The following TMEM178B variants were observed in gnomAD, a reference collection of about 807,000 sequenced individuals.
TMEM178B encodes transmembrane protein 178B.
TMEM178B carries 5 observed loss-of-function variants against 31.0 expected under a neutral mutation model. That is an observed-to-expected ratio of 0.16 (90% CI 0.08 to 0.34). The LOEUF is 0.34. TMEM178B is among the 10% of genes least tolerant of loss of function. The pLI is 1.00. For synonymous variants in TMEM178B, 164 were observed against 164.0 expected, an observed-to-expected ratio of 1.00 and a Z score of 0.00; for missense variants, 275 against 400.3, an observed-to-expected ratio of 0.69 and a Z score of 2.67.
chr7:141,413,834 AC>A (rs1240698548), intron 2 of TMEM178B, among the ~76,000 whole-genome samples: 2 of 138,800 alleles, frequency 1.4e-5, no homozygotes, highest in Non-Finnish European at 3.3e-5. Flanking sequence ...TAAGAGCAAC[AC>A]ATACTTATTA....
chr7:141,408,740 A>G (rs185665559), intron 2 of TMEM178B, among the ~76,000 whole-genome samples: 20 of 152,262 alleles, frequency 1.3e-4, no homozygotes, highest in Non-Finnish European at 1.0e-4. Flanking sequence ...AACTGAATAA[A>G]GAAGCCAGCT....
At chr7:141,499,192 G>A in the TMEM178B span, among the ~76,000 whole-genome samples, 1 of 152,168 alleles carries the variant, frequency 6.6e-6, no homozygotes, top group Admixed American at 6.5e-5. Context: ...TAAGATCTTT[G>A]TGGATAAGAT....
chr7:141,216,629 G>T (rs1350669934), intron 2 of TMEM178B, among the ~76,000 whole-genome samples: 1 of 152,166 alleles, frequency 6.6e-6, no homozygotes, highest in East Asian at 1.9e-4. Context: ...TGGTGACCAG[G>T]TTCTCACTCT....
chr7:141,315,149 C>A (rs1798979174), intron 2 of TMEM178B, among the ~76,000 whole-genome samples: 1 of 152,196 alleles, frequency 6.6e-6, no homozygotes. Flanking sequence ...ATGTTCCTTA[C>A]CTGTCTCAGT....
intron 2 of TMEM178B, among the ~76,000 whole-genome samples, chr7:141,270,532 A>G (rs1798165139): frequency 6.6e-6 from 1 of 152,220 alleles, no homozygotes; most frequent in Non-Finnish European, 1.5e-5. Flanking sequence ...TGGTTGTGAA[A>G]TGTGTTCACC....
At chr7:141,509,471 AAAACCCCG>A in the TMEM178B span, among the ~76,000 whole-genome samples, 18 of 152,192 alleles carry the variant, frequency 1.2e-4, no homozygotes, top group East Asian at 3.5e-3. Flanking sequence ...CCAACATGGC[AAAACCCCG>A]TCTCTACTAA....
chr7:141,498,522 A>G, the TMEM178B span, among the ~76,000 whole-genome samples: 1 of 152,274 alleles, frequency 6.6e-6, no homozygotes, highest in Admixed American at 6.5e-5. Flanking sequence ...TCAAAAGAAC[A>G]GAAGAATACC....
intron 1 of TMEM178B, among the ~76,000 whole-genome samples, chr7:141,177,034 G>A (rs1395152277): frequency 6.6e-6 from 1 of 152,034 alleles, no homozygotes; most frequent in Non-Finnish European, 1.5e-5. Flanking sequence ...TCTTTTAATT[G>A]TGATGTTAGG....
At chr7:141,137,030 T>C (rs1254222547) in intron 1 of TMEM178B, among the ~76,000 whole-genome samples, 1 of 152,176 alleles carries the variant, frequency 6.6e-6, no homozygotes, top group African/African-American at 2.4e-5. Context: ...CCAGTTAGAA[T>C]GGCTATGATG....
chr7:141,174,376 G>C (rs1460413538), intron 1 of TMEM178B, among the ~76,000 whole-genome samples: 1 of 152,112 alleles, frequency 6.6e-6, no homozygotes, highest in Non-Finnish European at 1.5e-5. Flanking sequence ...TGGGCATTTG[G>C]GTTGTTCCAA....
intron 1 of TMEM178B, among the ~76,000 whole-genome samples, chr7:141,130,955 A>G (rs1052160213): frequency 6.6e-6 from 1 of 152,190 alleles, no homozygotes; most frequent in African/African-American, 2.4e-5. Flanking sequence ...TGTTTATTTT[A>G]TAGCTGACCC....
intron 1 of TMEM178B, among the ~76,000 whole-genome samples, chr7:141,079,517 A>C (rs1586756175): frequency 1.3e-5 from 2 of 152,342 alleles, no homozygotes; most frequent in Admixed American, 1.3e-4. Flanking sequence ...ACTTGGGTTT[A>C]AATTTAAGTA....
At chr7:141,095,568 A>G (rs1033419901) in intron 1 of TMEM178B, among the ~76,000 whole-genome samples, 1 of 152,188 alleles carries the variant, frequency 6.6e-6, no homozygotes, top group Non-Finnish European at 1.5e-5. Context: ...GGCTTATTGA[A>G]TAGATTGCTC....
intron 2 of TMEM178B, among the ~76,000 whole-genome samples, chr7:141,291,104 C>A (rs1007283891): frequency 1.3e-5 from 2 of 152,150 alleles, no homozygotes; most frequent in African/African-American, 4.8e-5. Flanking sequence ...TAGAGTGAGG[C>A]CTCCAGGAGA....
intron 2 of TMEM178B, among the ~76,000 whole-genome samples, chr7:141,261,426 A>G (rs1798010462): frequency 6.6e-6 from 1 of 152,112 alleles, no homozygotes; most frequent in Admixed American, 6.5e-5. Context: ...CTTTGTCTGC[A>G]GGAAACGCTA....
rs1435459557 is a variant in TMEM178B at position 141,074,264 on chromosome 7, C to T, written c.-47C>T. The T allele has an allele frequency of 3.4e-5, 50 of 1,458,960 alleles. No homozygotes were observed. The highest frequency in any genetic ancestry group is 3.9e-4 in the Middle Eastern group (2 of 5,108). The allele number at this position is 1,458,960 out of a possible 1,614,324, so 90.4% of individuals were successfully genotyped here. A position where few individuals can be genotyped will look rare whatever the true frequency, so the allele number is the denominator to read the frequency against. On this transcript the variant is annotated 5_prime_UTR_variant, in exon 1 of 4. Coordinates refer to ENST00000565468, the MANE Select transcript of TMEM178B (RefSeq NM_001195278.2). This position sits in a 1 kb window ranked among gnomAD's most constrained non-coding sequence, Gnocchi z 5.1. ...TTGTTCCGGGTGCGGCGAGGGAAGGCGAGGCTGCGGCGGATCATGCCCATG... is the reference window on the plus strand; with the variant it reads ...TTGTTCCGGGTGCGGCGAGGGAAGGTGAGGCTGCGGCGGATCATGCCCATG...
intron 2 of TMEM178B, among the ~76,000 whole-genome samples, chr7:141,288,944 T>C (rs1158704924): frequency 6.6e-6 from 1 of 152,218 alleles, no homozygotes; most frequent in Admixed American, 6.5e-5. Context: ...CAGCCTTGGC[T>C]TTCCTCCCAG....
chr7:141,393,780 T>C (rs1368834026), intron 2 of TMEM178B, among the ~76,000 whole-genome samples: 1 of 152,188 alleles, frequency 6.6e-6, no homozygotes, highest in Non-Finnish European at 1.5e-5. Context: ...GGAGCCGTGT[T>C]TGGGGCATGG....
chr7:141,125,613 G>A (rs1393471693), intron 1 of TMEM178B, among the ~76,000 whole-genome samples: 1 of 151,524 alleles, frequency 6.6e-6, no homozygotes, highest in Admixed American at 6.6e-5. Flanking sequence ...CCAGGAGGTG[G>A]GGGTTGCAGT....
Sources: gnomAD v4.1 joint callset for allele counts (sites outside exome capture counted in the v4.1 genomes callset) on GRCh38, gnomAD v4.1.1 for gene constraint, Gnocchi (gnomAD v3.1) non-coding constraint, MANE v1.5 for transcripts, NCBI Gene and HGNC (gene_info 2026-07-23, HGNC 2026-07-21) for gene names.